SH3RF3: variants seen among roughly 807,000 people sequenced by gnomAD.
SH3RF3 encodes SH3 domain containing ring finger 3.
A neutral mutation model predicts 66.3 loss-of-function variants in SH3RF3; 29 were observed. The ratio of observed to expected loss-of-function variants is 0.44; its 90% CI spans 0.33 to 0.60. The LOEUF is 0.60. Ranked by LOEUF, SH3RF3 falls within the 20% of genes least tolerant of loss-of-function variation. The probability of loss-of-function intolerance (pLI) is 0.04; values close to 1 mark genes in which losing one functional copy is unlikely to be tolerated. For missense variants in SH3RF3, 1,194 were observed against 1,190.9 expected, an observed-to-expected ratio of 1.00 and a Z score of -0.04; for synonymous variants, 583 against 532.0, an observed-to-expected ratio of 1.10 and a Z score of -1.32.
In SH3RF3 at chr2:109,197,548, G is replaced by C. The variant is rs117960783; in HGVS notation, c.573+67435G>C. On this transcript the variant is annotated intron_variant, in intron 1 of 9. Coordinates refer to ENST00000309415, the MANE Select transcript of SH3RF3 (RefSeq NM_001099289.3). ...CCATATTCCCACAGCCACCCTTGAT[G>C]CAGGTGGCCGGGGAGGGGTGGGAGG... 2.0e-3 allele frequency among the ~76,000 whole-genome samples: 302 copies of C among 152,360 alleles called. 6 individuals are homozygous for C. The East Asian group carries it at 0.043, about 22-fold the overall frequency.
At chr2:109,234,074 G>A (rs1679585000) in intron 1 of SH3RF3, among the ~76,000 whole-genome samples, 1 of 152,220 alleles carries the variant, frequency 6.6e-6, no homozygotes, top group East Asian at 1.9e-4. Flanking sequence ...TTAACATTTA[G>A]GAGTAGAATT....
intron 1 of SH3RF3, among the ~76,000 whole-genome samples, chr2:109,285,690 A>G (rs1365462870): frequency 6.6e-6 from 1 of 152,210 alleles, no homozygotes; most frequent in Non-Finnish European, 1.5e-5. Context: ...CTTGGGGCTC[A>G]TGAAAGCTTG....
intron 8 of SH3RF3, among the ~76,000 whole-genome samples, chr2:109,476,395 G>GT (rs1189832633): frequency 6.6e-6 from 1 of 152,120 alleles, no homozygotes; most frequent in African/African-American, 2.4e-5. Flanking sequence ...GAGGTACTGA[G>GT]TAGCCCCTAG....
intron 1 of SH3RF3, among the ~76,000 whole-genome samples, chr2:109,340,605 C>G (rs552963531): frequency 6.6e-6 from 1 of 152,212 alleles, no homozygotes; most frequent in Non-Finnish European, 1.5e-5. Flanking sequence ...ATCTGCCTTT[C>G]CTGGCCCCGG....
chr2:109,208,575 G>C (rs1678894758), intron 1 of SH3RF3, among the ~76,000 whole-genome samples: 1 of 152,210 alleles, frequency 6.6e-6, no homozygotes, highest in Non-Finnish European at 1.5e-5. Context: ...CAGCAGAGCT[G>C]TTCCCACCAA....
chr2:109,186,662 C>T (rs1292179824), intron 1 of SH3RF3, among the ~76,000 whole-genome samples: 1 of 152,196 alleles, frequency 6.6e-6, no homozygotes, highest in Non-Finnish European at 1.5e-5. Context: ...TAGGAAGACC[C>T]TGCGGGAAAT....
chr2:109,297,603 A>G (rs896164627), intron 1 of SH3RF3, among the ~76,000 whole-genome samples: 14 of 139,918 alleles, frequency 1.0e-4, no homozygotes, highest in Non-Finnish European at 1.7e-4. Context: ...AGTGCCCCCA[A>G]CCTGGGTCAG....
At chr2:109,249,716 C>G (rs538974255) in intron 1 of SH3RF3, among the ~76,000 whole-genome samples, 1 of 151,244 alleles carries the variant, frequency 6.6e-6, no homozygotes, top group African/African-American at 2.4e-5. Flanking sequence ...GGTGCGATCT[C>G]AGCTCACTGC....
At chr2:109,199,266 G>A (rs558241606) in intron 1 of SH3RF3, among the ~76,000 whole-genome samples, 1 of 33,332 alleles carries the variant, frequency 3.0e-5, no homozygotes, top group African/African-American at 1.2e-4. Flanking sequence ...TGCTTGCAGT[G>A]AGCCGAGATC....
chr2:109,400,789 C>T lies in SH3RF3; in HGVS notation c.1299+1846C>T, dbSNP rs562645904. ...GTGCTGTAGTGTCTGGAGCTGTAAC[C>T]GTGCAGTCATCTGCCCCCATGGTTA... On this transcript the variant is annotated intron_variant, in intron 4 of 9. Coordinates refer to ENST00000309415, the MANE Select transcript of SH3RF3 (RefSeq NM_001099289.3). 3.9e-5 allele frequency among the ~76,000 whole-genome samples: 6 copies of T among 152,300 alleles called. No homozygotes were observed. The East Asian group carries it at 9.7e-4, about 25-fold the overall frequency.
chr2:109,148,536 A>G (rs1677151323), intron 1 of SH3RF3, among the ~76,000 whole-genome samples: 1 of 152,224 alleles, frequency 6.6e-6, no homozygotes, highest in South Asian at 2.1e-4. Flanking sequence ...GCTCTGGGGA[A>G]TATTACTGCT....
At chr2:109,149,599 CAGG>C (rs911076097) in intron 1 of SH3RF3, among the ~76,000 whole-genome samples, 1 of 152,144 alleles carries the variant, frequency 6.6e-6, no homozygotes, top group Non-Finnish European at 1.5e-5. Context: ...CAAGGTCCAG[CAGG>C]AGGACAGCTG....
At chr2:109,466,690 G>T (rs181759504) in intron 8 of SH3RF3, among the ~76,000 whole-genome samples, 1 of 152,288 alleles carries the variant, frequency 6.6e-6, no homozygotes, top group Non-Finnish European at 1.5e-5. Flanking sequence ...TTATCTTCTA[G>T]GAGTTTCATA....
intron 1 of SH3RF3, among the ~76,000 whole-genome samples, chr2:109,173,834 G>A (rs964087917): frequency 5.9e-5 from 9 of 152,182 alleles, no homozygotes; most frequent in Admixed American, 2.0e-4. Flanking sequence ...CACTGCCGTC[G>A]TCCTTGGAAT....
chr2:109,144,223 G>A (rs751614346), intron 1 of SH3RF3, among the ~76,000 whole-genome samples: 1 of 152,326 alleles, frequency 6.6e-6, no homozygotes, highest in East Asian at 1.9e-4. Flanking sequence ...AGGTAACCAC[G>A]TGAGGTGATA....
At chr2:109,212,183 G>C (rs1277839463) in intron 1 of SH3RF3, among the ~76,000 whole-genome samples, 1 of 152,278 alleles carries the variant, frequency 6.6e-6, no homozygotes, top group Admixed American at 6.5e-5. Flanking sequence ...ACTTGTCAGG[G>C]TACCAGCCAC....
intron 1 of SH3RF3, among the ~76,000 whole-genome samples, chr2:109,231,419 G>A (rs1403852206): frequency 6.6e-6 from 1 of 152,178 alleles, no homozygotes; most frequent in Non-Finnish European, 1.5e-5. Context: ...GCCTGGTTGG[G>A]GCAGGATGCT....
intron 1 of SH3RF3, among the ~76,000 whole-genome samples, chr2:109,229,826 CTTTT>C (rs35149686): frequency 0.11 from 14,157 of 129,972 alleles, 1,231 homozygotes; most frequent in East Asian, 0.32. Context: ...CTTTTTCTTT[CTTTT>C]TTTTTTTTTT....
At chr2:109,280,056 TC>T (rs1388592466) in intron 1 of SH3RF3, among the ~76,000 whole-genome samples, 1 of 152,102 alleles carries the variant, frequency 6.6e-6, no homozygotes, top group Non-Finnish European at 1.5e-5. Context: ...CCAGCCAGGC[TC>T]CCCTCCTATT....
Sources: gnomAD v4.1 joint callset for allele counts (sites outside exome capture counted in the v4.1 genomes callset) on GRCh38, gnomAD v4.1.1 for gene constraint, MANE v1.5 for transcripts, NCBI Gene and HGNC (gene_info 2026-07-23, HGNC 2026-07-21) for gene names.